Variants in PCNX1 observed in about 807,000 individuals in gnomAD.
PCNX1 encodes pecanex-like protein 1.
A neutral mutation model predicts 242.2 loss-of-function variants in PCNX1; 78 were observed. The ratio of observed to expected loss-of-function variants is 0.32; its 90% CI spans 0.27 to 0.39. The LOEUF (loss-of-function observed/expected upper bound fraction) is 0.39, where lower values mean the gene tolerates loss of function less well. PCNX1 is among the 10% of genes least tolerant of loss of function. PCNX1 has a pLI of 1.00. For missense variants in PCNX1, 2,581 were observed against 2,856.5 expected (o/e 0.90, Z 2.20); for synonymous variants, 1,024 against 1,032.9 (o/e 0.99, Z 0.17).
rs61990459 is a variant in PCNX1, at chr14:71,114,960, A to T, written c.*5025A>T. 1 of 117,796 alleles carries T rather than the reference A, an allele frequency of 8.5e-6. No individual in the cohort carries two copies. The highest frequency in any genetic ancestry group is 3.1e-5 in the African/African-American group (1 of 31,818). 7.3% of individuals were successfully genotyped at this position (117,796 alleles called of 1,614,324 possible). A position where few individuals can be genotyped will look rare whatever the true frequency, so the allele number is the denominator to read the frequency against. On this transcript the variant is annotated 3_prime_UTR_variant, in exon 36 of 36. Transcript: ENST00000304743. Reference sequence around the variant, plus strand: ...AATAGAAATGGGGGGGGGGGGGGGAATCATGTCTGCTTATGCTTTTTAAAA... The same window carrying T: ...AATAGAAATGGGGGGGGGGGGGGGATTCATGTCTGCTTATGCTTTTTAAAA...
chr14:71,058,408 T>C (rs1248567529), intron 26 of PCNX1, among the ~76,000 whole-genome samples: 3 of 152,228 alleles, frequency 2.0e-5, no homozygotes, highest in South Asian at 2.1e-4. Flanking sequence ...CTTTATGTTA[T>C]CAATTCCTGT....
chr14:70,990,376 G>A (rs1012109199), intron 7 of PCNX1, among the ~76,000 whole-genome samples: 1 of 151,592 alleles, frequency 6.6e-6, no homozygotes, highest in African/African-American at 2.4e-5. Flanking sequence ...TAGCCAACAT[G>A]GTGAAACCTC....
intron 33 of PCNX1, among the ~76,000 whole-genome samples, chr14:71,107,145 A>G (rs557923070): frequency 3.3e-5 from 5 of 152,256 alleles, no homozygotes; most frequent in Admixed American, 3.3e-4. Flanking sequence ...TGATCCAGCC[A>G]TATGAAGAAG....
intron 1 of PCNX1, among the ~76,000 whole-genome samples, chr14:70,930,090 A>G (rs2526866): frequency 0.88 from 134,104 of 152,086 alleles, 59,193 homozygotes; most frequent in South Asian, 0.95. Context: ...CTTCTCATGC[A>G]TGTGTGTGTG....
At chr14:71,071,428 A>G (rs2061584107) in intron 26 of PCNX1, among the ~76,000 whole-genome samples, 1 of 152,146 alleles carries the variant, frequency 6.6e-6, no homozygotes, top group Non-Finnish European at 1.5e-5. Context: ...TTGAATTGTA[A>G]TACCCAGTGT....
At chr14:70,970,387 A>G (rs61988736) in intron 5 of PCNX1, among the ~76,000 whole-genome samples, 2,164 of 152,238 alleles carry the variant, frequency 0.014, 23 homozygotes, top group Middle Eastern at 0.034. Context: ...CAATCAACCA[A>G]TCAATCAGTC....
intron 28 of PCNX1, among the ~76,000 whole-genome samples, chr14:71,077,194 A>C (rs1251545829): frequency 6.6e-6 from 1 of 152,170 alleles, no homozygotes; most frequent in East Asian, 1.9e-4. Flanking sequence ...GGACTTCAGC[A>C]ACTACAGCTT....
At chr14:70,970,490 G>C (rs1478995129) in intron 5 of PCNX1, among the ~76,000 whole-genome samples, 1 of 152,102 alleles carries the variant, frequency 6.6e-6, no homozygotes, top group Non-Finnish European at 1.5e-5. Flanking sequence ...CAGAGGGGTT[G>C]GTGCCCTTGT....
intron 6 of PCNX1, among the ~76,000 whole-genome samples, chr14:70,984,548 G>A (rs8003103): frequency 0.38 from 56,925 of 150,386 alleles, 12,010 homozygotes; most frequent in East Asian, 0.62. Flanking sequence ...CACCACGCCC[G>A]GCTAATTTTT....
At chr14:70,985,155 A>T (rs919257784) in intron 6 of PCNX1, among the ~76,000 whole-genome samples, 1 of 152,224 alleles carries the variant, frequency 6.6e-6, no homozygotes. Flanking sequence ...TCAGTATAAC[A>T]AAAGGAAACA....
intron 26 of PCNX1, among the ~76,000 whole-genome samples, chr14:71,072,634 T>C (rs1029354957): frequency 7.9e-5 from 12 of 152,196 alleles, no homozygotes; most frequent in African/African-American, 2.4e-4. Flanking sequence ...AATATTACTT[T>C]TAAAGAAAAA....
chr14:70,924,491 T>G (rs1403346624), intron 1 of PCNX1, among the ~76,000 whole-genome samples: 2 of 152,196 alleles, frequency 1.3e-5, no homozygotes, highest in Non-Finnish European at 2.9e-5. Context: ...TTCTTTAGTT[T>G]TCACTTAATG....
At chr14:71,047,766 T>A (rs1340210133) in intron 21 of PCNX1, 41 bp from the exon 22 acceptor site, 1 of 1,512,352 alleles carries the variant, frequency 6.6e-7, no homozygotes, top group Admixed American at 1.9e-5. Context: ...TCTTCTAATG[T>A]TTTCAGTCAT....
At position 71,011,542 on chromosome 14, in the gene PCNX1, A is replaced by T; in HGVS notation, c.2771A>T (p.His924Leu). The T allele has an allele frequency of 6.5e-7, 1 of 1,530,128 alleles. No individual in the cohort carries two copies. The allele number at this position is 1,530,128 out of a possible 1,614,324, so 94.8% of individuals were successfully genotyped here. Reference sequence around the variant, plus strand: ...TCTACCTCAGTTCGATTTTATCCACATGATGTGGTAGGTTTTTCTTTATTT... The same window carrying T: ...TCTACCTCAGTTCGATTTTATCCACTTGATGTGGTAGGTTTTTCTTTATTT... ...SSSTSVRFYP[H>L]DVLSLPQIRL... The change falls in exon 10 of 36, where the codon CAT becomes CTT. Residue 924 changes from histidine (H) to leucine (L), a missense_variant. Physicochemically the swap from His to Leu is moderately conservative, Grantham distance 99 (BLOSUM62 -3). Around this residue, in one of 9 missense-constraint regions of PCNX1, gnomAD observed 1,204 missense variants for 1,216.7 expected, o/e 0.99. Transcript: ENST00000304743.
chr14:70,975,733 C>T (rs890048444), intron 5 of PCNX1, among the ~76,000 whole-genome samples: 1 of 151,678 alleles, frequency 6.6e-6, no homozygotes, highest in Non-Finnish European at 1.5e-5. Flanking sequence ...GGTTGTCAAG[C>T]TATATTCCAA....
Position 71,109,592 on chromosome 14 carries a change from T to G in PCNX1, c.6885T>G (p.His2295Gln). ...GTCCGCAGGAGGGCATGGAAGGCCA[T>G]GTAAGTTCTTTTACAAGCTGGCGGT... is the stretch of plus-strand genomic sequence containing the variant. Reference protein sequence around the residue: ...DWSPQEGMEGHVIHRWVPCSR... With the variant: ...DWSPQEGMEGQVIHRWVPCSR... Residue 2295 changes from histidine (H) to glutamine (Q), a missense_variant and splice_region_variant, in exon 35 of 36, where the codon CAT (histidine) becomes CAG (glutamine). By Grantham distance (24) the His-to-Gln change is conservative. Around this residue, in one of 9 missense-constraint regions of PCNX1, gnomAD observed 432 missense variants for 433.6 expected, o/e 1.00. Transcript: ENST00000304743. The G allele has an allele frequency of 6.2e-7, 1 of 1,614,124 alleles. No individual in the cohort carries two copies. Among genetic ancestry groups the G allele is most frequent in the East Asian group, 2.2e-5 (1 of 44,880 alleles).
At chr14:71,011,643 A>G (rs971190305) in intron 10 of PCNX1, 94 bp downstream of exon 10, 3 of 782,916 alleles carry the variant, frequency 3.8e-6, no homozygotes, top group African/African-American at 1.8e-5. Context: ...ATAAAAATTG[A>G]TGAAGTTACA....
chr14:71,095,705 T>C (rs189899594), intron 30 of PCNX1, among the ~76,000 whole-genome samples: 2 of 152,324 alleles, frequency 1.3e-5, no homozygotes, highest in Non-Finnish European at 2.9e-5. Flanking sequence ...TAATATGACA[T>C]GGACATCTTT....
At chr14:71,008,379 G>T (rs767925835) in intron 8 of PCNX1, among the ~76,000 whole-genome samples, 1 of 152,090 alleles carries the variant, frequency 6.6e-6, no homozygotes, top group South Asian at 2.1e-4. Flanking sequence ...TGTTTTGGCC[G>T]GGCGCAGTGG....
Sources: allele counts gnomAD v4.1 joint callset (sites outside exome capture counted in the v4.1 genomes callset), GRCh38; gene constraint gnomAD v4.1.1; regional missense constraint gnomAD v4.1.1; transcripts MANE v1.5; gene names NCBI Gene and HGNC (gene_info 2026-07-23, HGNC 2026-07-21).